RANBP17: variants seen among roughly 807,000 people sequenced by gnomAD.
RANBP17 encodes the protein ran-binding protein 17.
A neutral mutation model predicts 141.2 loss-of-function variants in RANBP17; 158 were observed. The observed-to-expected ratio is 1.12, with a 90% CI of 0.98 to 1.28. The LOEUF (loss-of-function observed/expected upper bound fraction) is 1.28, where lower values mean the gene tolerates loss of function less well. Ranked by LOEUF, RANBP17 falls within the 50% of genes most tolerant of loss-of-function variation. The pLI is 0.00. For synonymous variants in RANBP17, 430 were observed against 450.0 expected (o/e 0.96, Z 0.56); for missense variants, 1,438 against 1,290.7 (o/e 1.11, Z -1.75).
intron 14 of RANBP17, among the ~76,000 whole-genome samples, chr5:171,038,252 A>G (rs559565203): frequency 4.6e-4 from 70 of 151,834 alleles, no homozygotes; most frequent in Non-Finnish European, 8.1e-4. Flanking sequence ...CTCAGCTTCA[A>G]TATTATTGGT....
chr5:171,194,185 G>A (rs1761828156), intron 18 of RANBP17, among the ~76,000 whole-genome samples: 1 of 152,100 alleles, frequency 6.6e-6, no homozygotes, highest in South Asian at 2.1e-4. Context: ...CCAGATTTTT[G>A]TTGTTGGTAT....
intron 14 of RANBP17, among the ~76,000 whole-genome samples, chr5:171,101,147 A>C (rs1370516314): frequency 6.6e-6 from 1 of 152,082 alleles, no homozygotes; most frequent in Non-Finnish European, 1.5e-5. Flanking sequence ...TCAAGTCCTG[A>C]ATATCCTTGC....
chr5:171,267,822 G>T lies in RANBP17; in HGVS notation c.2943+1975G>T, dbSNP rs1239406570. ...CTCAAAAAAAAAAGAAAAAGAAAAA[G>T]AAAATGTCACTCTATATCAGTAAAT... On this transcript the variant is annotated intron_variant, in intron 25 of 27. Transcript: ENST00000523189. 2.6e-5 allele frequency among the ~76,000 whole-genome samples: 4 copies of T among 151,956 alleles called. No individual in the cohort carries two copies. In the East Asian group the frequency reaches 7.7e-4, roughly 29 times the overall value.
intron 22 of RANBP17, among the ~76,000 whole-genome samples, chr5:171,234,337 C>T (rs1030388943): frequency 6.6e-6 from 1 of 152,088 alleles, no homozygotes; most frequent in African/African-American, 2.4e-5. Flanking sequence ...GTAACAAGAA[C>T]AGTATCATAT....
At position 170,922,245 on chromosome 5, in the gene RANBP17, C is replaced by T. The variant is rs191199797; in HGVS notation, c.1275-2112C>T. ...CCTGCCTGTTTGAGGTGTCTGTCAG[C>T]CCCTACTGGGAGGTGTTTCCCAGTC... On this transcript the variant is annotated intron_variant, in intron 11 of 27. Transcript: ENST00000523189. Among the ~76,000 whole-genome samples, 26 of 152,212 alleles carry T rather than the reference C, an allele frequency of 1.7e-4. No homozygotes were observed. The East Asian group carries it at 4.6e-3, about 27-fold the overall frequency.
At chr5:170,979,699 CAT>C (rs1777627345) in intron 14 of RANBP17, among the ~76,000 whole-genome samples, 1 of 152,206 alleles carries the variant, frequency 6.6e-6, no homozygotes, top group Admixed American at 6.5e-5. Flanking sequence ...TGCCTTCTGC[CAT>C]GATTGTGAGG....
chr5:171,141,913 T>G (rs78653680), intron 14 of RANBP17, among the ~76,000 whole-genome samples: 1 of 152,176 alleles, frequency 6.6e-6, no homozygotes, highest in Non-Finnish European at 1.5e-5. Context: ...TATACTTTCA[T>G]TTTTTGGTTA....
chr5:171,105,964 G>C (rs1325606164), intron 14 of RANBP17, among the ~76,000 whole-genome samples: 1 of 152,200 alleles, frequency 6.6e-6, no homozygotes, highest in East Asian at 1.9e-4. Flanking sequence ...ATCAATTGAT[G>C]TGCACTGCAA....
intron 14 of RANBP17, among the ~76,000 whole-genome samples, chr5:171,063,880 C>G (rs1469193395): frequency 6.6e-6 from 1 of 152,232 alleles, no homozygotes; most frequent in Non-Finnish European, 1.5e-5. Context: ...GCGCCCCTCC[C>G]CCAGCCTCGC....
chr5:170,940,338 C>A (rs1206507185), intron 12 of RANBP17, among the ~76,000 whole-genome samples: 1 of 152,046 alleles, frequency 6.6e-6, no homozygotes, highest in African/African-American at 2.4e-5. Context: ...ACACCAAATT[C>A]AAAAATCTGG....
chr5:171,022,882 CTGGGGTTGGG>C (rs1780973895), intron 14 of RANBP17, among the ~76,000 whole-genome samples: 1 of 152,182 alleles, frequency 6.6e-6, no homozygotes, highest in African/African-American at 2.4e-5. Context: ...CTGTAGGGCT[CTGGGGTTGGG>C]ATGCTAGCCC....
intron 12 of RANBP17, chr5:170,924,774 C>G: frequency 2.8e-6 from 1 of 362,542 alleles, no homozygotes; most frequent in Non-Finnish European, 5.0e-6. Flanking sequence ...ATACTTCTCT[C>G]TGGAATCAAT....
At chr5:171,126,831 A>G (rs1756505686) in intron 14 of RANBP17, among the ~76,000 whole-genome samples, 2 of 152,180 alleles carry the variant, frequency 1.3e-5, no homozygotes, top group Non-Finnish European at 1.5e-5. Context: ...TCAGTAATAA[A>G]AAGTCTCCCA....
chr5:171,134,244 G>A (rs1297846282), intron 14 of RANBP17, among the ~76,000 whole-genome samples: 1 of 152,154 alleles, frequency 6.6e-6, no homozygotes, highest in East Asian at 1.9e-4. Context: ...GAATTGAGAT[G>A]ATCATAAATA....
intron 12 of RANBP17, among the ~76,000 whole-genome samples, chr5:170,936,455 T>C (rs1773888964): frequency 6.6e-6 from 1 of 152,212 alleles, no homozygotes; most frequent in Non-Finnish European, 1.5e-5. Flanking sequence ...AAAGATAATT[T>C]CTAATTTAAT....
chr5:170,911,699 G>A (rs1771540133), intron 7 of RANBP17, among the ~76,000 whole-genome samples: 1 of 151,906 alleles, frequency 6.6e-6, no homozygotes, highest in Non-Finnish European at 1.5e-5. Flanking sequence ...AGTTTAATAT[G>A]AAGAGTTGGC....
At chr5:170,921,231 A>G (rs1772435565) in intron 11 of RANBP17, among the ~76,000 whole-genome samples, 1 of 152,288 alleles carries the variant, frequency 6.6e-6, no homozygotes, top group African/African-American at 2.4e-5. Context: ...TAGGTCTTAC[A>G]TTTAAGTCTT....
intron 14 of RANBP17, among the ~76,000 whole-genome samples, chr5:171,022,301 A>T (rs1209126993): frequency 6.6e-6 from 1 of 152,182 alleles, no homozygotes; most frequent in Non-Finnish European, 1.5e-5. Flanking sequence ...GACCCATTTA[A>T]TGAAGCACTT....
rs1775661771 is a variant in RANBP17 at position 170,955,988 on chromosome 5, A to AT, written c.1574+2294dup. On this transcript the variant is annotated intron_variant, in intron 13 of 27. Coordinates refer to ENST00000523189, the MANE Select transcript of RANBP17 (RefSeq NM_022897.5). Reference sequence around the variant, plus strand: ...TTCTCTGCTGCTTATATTTAGAAAGATTTTTTTTCCACTTCTGATTAATGA... The same window carrying AT: ...TTCTCTGCTGCTTATATTTAGAAAGATTTTTTTTTCCACTTCTGATTAATGA... 2.0e-5 allele frequency among the ~76,000 whole-genome samples: 3 copies of AT among 150,632 alleles called. No homozygotes were observed. In the South Asian group the frequency reaches 6.3e-4, roughly 32 times the overall value.
Sources: allele counts gnomAD v4.1 joint callset (sites outside exome capture counted in the v4.1 genomes callset), GRCh38; gene constraint gnomAD v4.1.1; transcripts MANE v1.5; gene names NCBI Gene and HGNC (gene_info 2026-07-23, HGNC 2026-07-21).